ZNF804B: variants seen among roughly 807,000 people sequenced by gnomAD.
ZNF804B encodes the protein zinc finger protein 804B.
Under a neutral mutation model 101.4 loss-of-function variants are expected in ZNF804B, and 80 were observed. That is an observed-to-expected ratio of 0.79 (90% CI 0.66 to 0.95). The LOEUF is 0.95. Ranked by LOEUF, ZNF804B falls within the 40% of genes least tolerant of loss-of-function variation. ZNF804B has a pLI of 0.00. For synonymous variants in ZNF804B, 622 were observed against 558.8 expected, an observed-to-expected ratio of 1.11 and a Z score of -1.59; for missense variants, 1,673 against 1,561.9, an observed-to-expected ratio of 1.07 and a Z score of -1.20.
chr7:89,188,420 T>C (rs1014240787), intron 1 of ZNF804B, among the ~76,000 whole-genome samples: 1 of 152,062 alleles, frequency 6.6e-6, no homozygotes, highest in Non-Finnish European at 1.5e-5. Context: ...CACAATAATA[T>C]TGAAATTACG....
chr7:89,333,307 T>C, intron 3 of ZNF804B, 56 bp from the exon 4 acceptor site: 2 of 1,423,668 alleles, frequency 1.4e-6, no homozygotes, highest in Non-Finnish European at 1.9e-6. Flanking sequence ...TGTTCATATG[T>C]AGATATGATT....
At chr7:88,881,590 TA>T (rs1355138756) in intron 1 of ZNF804B, among the ~76,000 whole-genome samples, 6 of 152,330 alleles carry the variant, frequency 3.9e-5, no homozygotes, top group African/African-American at 1.4e-4. Context: ...GAACATATTT[TA>T]AAATGGCTTA....
At chr7:89,026,521 A>G (rs1427820841) in intron 1 of ZNF804B, among the ~76,000 whole-genome samples, 1 of 152,188 alleles carries the variant, frequency 6.6e-6, no homozygotes, top group East Asian at 1.9e-4. Flanking sequence ...CAGGAAGACA[A>G]ACTGGAAACT....
chr7:89,156,065 T>TTTTC (rs1562899762), intron 1 of ZNF804B, among the ~76,000 whole-genome samples: 2 of 80,892 alleles, frequency 2.5e-5, no homozygotes, highest in Non-Finnish European at 5.8e-5. Flanking sequence ...TCTTTCTTTC[T>TTTTC]TTCTTTCTCT....
intron 1 of ZNF804B, among the ~76,000 whole-genome samples, chr7:89,212,949 C>A (rs562450827): frequency 4.6e-5 from 7 of 152,058 alleles, no homozygotes; most frequent in Non-Finnish European, 1.0e-4. Context: ...ATGTGGTATA[C>A]TTAGTACTTC....
chr7:89,050,590 G>T (rs1789185944), intron 1 of ZNF804B, among the ~76,000 whole-genome samples: 1 of 152,132 alleles, frequency 6.6e-6, no homozygotes, highest in Non-Finnish European at 1.5e-5. Context: ...TCTTCCTTCA[G>T]ATGGTTTAAA....
intron 2 of ZNF804B, among the ~76,000 whole-genome samples, chr7:89,240,582 C>T (rs1789352907): frequency 6.6e-6 from 1 of 152,026 alleles, no homozygotes; most frequent in South Asian, 2.1e-4. Context: ...TGACCTCTTG[C>T]TTGATTTATA....
intron 2 of ZNF804B, among the ~76,000 whole-genome samples, chr7:89,220,033 GCACA>G (rs1788969980): frequency 3.0e-4 from 18 of 60,840 alleles, no homozygotes; most frequent in African/African-American, 1.1e-3. Flanking sequence ...ATATATATAC[GCACA>G]TATATGTGCA....
intron 1 of ZNF804B, among the ~76,000 whole-genome samples, chr7:88,762,761 CTT>C (rs954943501): frequency 6.6e-6 from 1 of 150,654 alleles, no homozygotes; most frequent in Non-Finnish European, 1.5e-5. Flanking sequence ...ACATCAATGA[CTT>C]TAATTATTTC....
At chr7:88,768,329 T>C (rs1790013264) in intron 1 of ZNF804B, among the ~76,000 whole-genome samples, 1 of 152,184 alleles carries the variant, frequency 6.6e-6, no homozygotes, top group African/African-American at 2.4e-5. Context: ...TCCAGAAAAT[T>C]GGGGCTAGCT....
In ZNF804B at chr7:89,241,147, G is replaced by A. The variant is rs188591051; in HGVS notation, c.249+22852G>A. On this transcript the variant is annotated intron_variant, in intron 2 of 3. Coordinates refer to ENST00000333190, the MANE Select transcript of ZNF804B (RefSeq NM_181646.5). ...CCACTGAAGGCCATTCTGCTCTTACGTAGAAGAGATATGAGGCTGGACTTA... is the reference window on the plus strand; with the variant it reads ...CCACTGAAGGCCATTCTGCTCTTACATAGAAGAGATATGAGGCTGGACTTA... Among the ~76,000 whole-genome samples, 483 of 152,116 alleles carry A rather than the reference G, an allele frequency of 3.2e-3. 1 individual carries two copies. The highest frequency in any genetic ancestry group is 0.011 in the African/African-American group (448 of 41,508).
At chr7:88,946,675 TG>T (rs773148329) in intron 1 of ZNF804B, among the ~76,000 whole-genome samples, 296 of 151,894 alleles carry the variant, frequency 1.9e-3, no homozygotes, top group Non-Finnish European at 3.5e-3. Flanking sequence ...TCAGAAGGAA[TG>T]GTACCATTTC....
intron 1 of ZNF804B, among the ~76,000 whole-genome samples, chr7:89,116,152 G>A (rs1391675391): frequency 1.3e-5 from 2 of 151,560 alleles, no homozygotes; most frequent in South Asian, 2.1e-4. Context: ...GGATTCAGGC[G>A]ATCCACCCAC....
At chr7:88,901,189 C>G (rs899983587) in intron 1 of ZNF804B, among the ~76,000 whole-genome samples, 2 of 151,682 alleles carry the variant, frequency 1.3e-5, no homozygotes, top group African/African-American at 4.8e-5. Flanking sequence ...TAACAGTTTT[C>G]CCTTTTCAAT....
intron 1 of ZNF804B, among the ~76,000 whole-genome samples, chr7:89,204,778 T>C (rs562759338): frequency 2.0e-5 from 3 of 152,366 alleles, no homozygotes; most frequent in African/African-American, 7.2e-5. Flanking sequence ...TGAATACTTT[T>C]ATTTTTAGAA....
intron 2 of ZNF804B, among the ~76,000 whole-genome samples, chr7:89,309,273 A>G (rs1003178889): frequency 6.6e-6 from 1 of 152,042 alleles, no homozygotes; most frequent in Non-Finnish European, 1.5e-5. Flanking sequence ...GCGTTAATTC[A>G]CTTAGGATGA....
At chr7:89,251,470 A>C (rs1789539484) in intron 2 of ZNF804B, among the ~76,000 whole-genome samples, 1 of 152,160 alleles carries the variant, frequency 6.6e-6, no homozygotes, top group Non-Finnish European at 1.5e-5. Context: ...ATAGAAAATC[A>C]TTCCATGCTC....
At chr7:88,867,779 T>G (rs1791753987) in intron 1 of ZNF804B, among the ~76,000 whole-genome samples, 1 of 152,164 alleles carries the variant, frequency 6.6e-6, no homozygotes, top group African/African-American at 2.4e-5. Flanking sequence ...AAATAGTATC[T>G]CATTTAATAC....
At chr7:88,794,458 G>A in intron 1 of ZNF804B, 1 of 1,613,900 alleles carries the variant, frequency 6.2e-7, no homozygotes. Context: ...CTGTGACTGT[G>A]TCACATCGTC....
Sources: allele counts gnomAD v4.1 joint callset (sites outside exome capture counted in the v4.1 genomes callset), GRCh38; gene constraint gnomAD v4.1.1; transcripts MANE v1.5; gene names NCBI Gene and HGNC (gene_info 2026-07-23, HGNC 2026-07-21).